KMT2C: variants seen among roughly 807,000 people sequenced by gnomAD.
KMT2C encodes the protein histone-lysine N-methyltransferase 2C.
In KMT2C, 88 loss-of-function variants were observed where a neutral mutation model predicts 507.9. That is an observed-to-expected ratio of 0.17 (90% CI 0.15 to 0.21). KMT2C has a LOEUF of 0.21. KMT2C is among the 10% of genes least tolerant of loss of function. KMT2C has a pLI of 1.00. For missense variants in KMT2C, 4,954 were observed against 5,957.8 expected (o/e 0.83, Z 5.55); for synonymous variants, 2,049 against 2,080.8 (o/e 0.98, Z 0.42).
At chr7:152,167,047 T>G in intron 42 of KMT2C, 99 bp downstream of exon 42, 1 of 939,826 alleles carries the variant, frequency 1.1e-6, no homozygotes, top group Non-Finnish European at 1.6e-6. Context: ...TTAATACTAG[T>G]CAAAAAAAAT....
At chr7:152,350,516 G>A (rs2097102147) in intron 2 of KMT2C, among the ~76,000 whole-genome samples, 1 of 152,152 alleles carries the variant, frequency 6.6e-6, no homozygotes, top group African/African-American at 2.4e-5. Flanking sequence ...GCATGTTACT[G>A]TACGCAACTA....
rs756937447 is a variant in KMT2C at position 152,180,992 on chromosome 7, C to T, written c.6868G>A (p.Val2290Ile). 1.2e-6 allele frequency: 2 copies of T among 1,613,988 alleles called. No homozygotes were observed. The highest frequency in any genetic ancestry group is 1.3e-5 in the African/African-American group (1 of 74,890). The change falls in exon 36 of 59, where the codon GTT (valine) becomes ATT (isoleucine). Residue 2290 changes from valine (V) to isoleucine (I), a missense_variant. By Grantham distance (29) the Val-to-Ile change is conservative. Around this residue, in one of 29 missense-constraint regions of KMT2C, gnomAD observed 1,689 missense variants for 1,654.3 expected, o/e 1.02. Coordinates refer to ENST00000262189, the MANE Select transcript of KMT2C (RefSeq NM_170606.3). ...GGATCACGGGCAGCAGATGGGGAAACACGGCTAAATGTGTCTGAAAGACCA... is the reference window on the plus strand; with the variant it reads ...GGATCACGGGCAGCAGATGGGGAAATACGGCTAAATGTGTCTGAAAGACCA... Reference protein sequence around the residue: ...GPGLSDTFSRVSPSAARDPYD... With the variant: ...GPGLSDTFSRISPSAARDPYD...
At chr7:152,356,194 T>C (rs1013664298) in intron 2 of KMT2C, among the ~76,000 whole-genome samples, 2 of 152,144 alleles carry the variant, frequency 1.3e-5, no homozygotes, top group African/African-American at 4.8e-5. Context: ...TTCACTGAAA[T>C]AAGCAAGATC....
intron 55 of KMT2C, among the ~76,000 whole-genome samples, chr7:152,142,634 C>T (rs945800996): frequency 6.6e-6 from 1 of 152,162 alleles, no homozygotes; most frequent in African/African-American, 2.4e-5. Flanking sequence ...GATATTTGTA[C>T]AAGATATAGC....
intron 1 of KMT2C, among the ~76,000 whole-genome samples, chr7:152,396,447 G>C (rs1049463902): frequency 5.9e-5 from 9 of 152,074 alleles, no homozygotes; most frequent in African/African-American, 2.2e-4. Flanking sequence ...GATAGTGCTT[G>C]GCATACATTA....
rs559375196 is a variant in KMT2C, at chr7:152,336,414, A to G, written c.251-5675T>C. Among the ~76,000 whole-genome samples, 228 of 152,292 alleles carry G rather than the reference A, an allele frequency of 1.5e-3. 1 individual carries two copies. Among genetic ancestry groups the G allele is most frequent in the African/African-American group, 5.1e-3 (213 of 41,550 alleles). ...AGAGTTTGGCAGCAGAATGTGAAAC[A>G]GACTGCTCTGGATAAAAATGATGTC... On this transcript the variant is annotated intron_variant, in intron 2 of 58. Transcript: ENST00000262189.
At chr7:152,272,829 T>C (rs2096002725) in intron 7 of KMT2C, among the ~76,000 whole-genome samples, 1 of 152,132 alleles carries the variant, frequency 6.6e-6, no homozygotes, top group Non-Finnish European at 1.5e-5. Context: ...AAGCCTGGGG[T>C]AGCTATACTT....
At chr7:152,375,778 T>C (rs1358174935) in intron 1 of KMT2C, among the ~76,000 whole-genome samples, 6 of 152,164 alleles carry the variant, frequency 3.9e-5, no homozygotes, top group Non-Finnish European at 7.4e-5. Flanking sequence ...TTTGAACTTT[T>C]TCATTATTAT....
Position 152,199,297 on chromosome 7 carries a change from T to C in KMT2C, c.4255A>G (p.Thr1419Ala), listed in dbSNP as rs748977268. The C allele has an allele frequency of 1.1e-5, 17 of 1,596,568 alleles. No individual in the cohort carries two copies. The highest frequency in any genetic ancestry group is 1.7e-4 in the Middle Eastern group (1 of 6,046). ...TACATACCGTGAGTTCCAGATTTTG[T>C]TGGAGCCGAGGATGAACTAAGTAGT... Reference protein sequence around the residue: ...DPLLSSSSAPTKSGTHGPADD... With the variant: ...DPLLSSSSAPAKSGTHGPADD... Residue 1419 changes from threonine (T) to alanine (A), a missense_variant, in exon 27 of 59, where the codon ACA becomes GCA. Thr to Ala is a moderately conservative substitution (Grantham distance 58, BLOSUM62 0). Coordinates refer to ENST00000262189, the MANE Select transcript of KMT2C (RefSeq NM_170606.3).
chr7:152,259,446 G>GCGCGCGCA (rs1188729137), intron 9 of KMT2C, among the ~76,000 whole-genome samples: 7 of 134,788 alleles, frequency 5.2e-5, no homozygotes, highest in African/African-American at 2.0e-4. Flanking sequence ...ACACACACGC[G>GCGCGCGCA]CACACACACA....
intron 31 of KMT2C, among the ~76,000 whole-genome samples, chr7:152,189,059 T>C (rs576105595): frequency 4.6e-5 from 7 of 152,198 alleles, no homozygotes; most frequent in African/African-American, 9.6e-5. Context: ...CCAAACACAT[T>C]TGAATTCTCA....
At chr7:152,345,190 C>A (rs910521126) in intron 2 of KMT2C, among the ~76,000 whole-genome samples, 4 of 151,998 alleles carry the variant, frequency 2.6e-5, no homozygotes, top group Admixed American at 1.3e-4. Flanking sequence ...GAGGCTGAGG[C>A]CAGCATTTCA....
intron 1 of KMT2C, among the ~76,000 whole-genome samples, chr7:152,391,925 T>C (rs1259391527): frequency 6.6e-6 from 1 of 152,156 alleles, no homozygotes; most frequent in African/African-American, 2.4e-5. Context: ...CTTTATCATA[T>C]ACATACATAA....
chr7:152,211,211 TG>T (rs1182240681), intron 23 of KMT2C, among the ~76,000 whole-genome samples: 1 of 152,144 alleles, frequency 6.6e-6, no homozygotes, highest in Non-Finnish European at 1.5e-5. Context: ...TAAAAGACAG[TG>T]GATCAATTGA....
chr7:152,152,339 A>G (rs2091697149), intron 49 of KMT2C, among the ~76,000 whole-genome samples: 2 of 152,214 alleles, frequency 1.3e-5, no homozygotes, highest in South Asian at 2.1e-4. Flanking sequence ...CAGGAAACAG[A>G]ACCCACGTCA....
Position 152,154,436 on chromosome 7 carries a change from A to G in KMT2C, c.11970T>C (p.Asp3990=). The change falls in exon 47 of 59, where the codon GAT becomes GAC. Residue 3990 remains aspartate (D), a synonymous_variant. Coordinates refer to ENST00000262189, the MANE Select transcript of KMT2C (RefSeq NM_170606.3). Reference sequence around the variant, plus strand: ...CAGGAGTATCTCGATCACCACAGTGATCCTGTATCCTGAAAAAACATAAAC... The same window carrying G: ...CAGGAGTATCTCGATCACCACAGTGGTCCTGTATCCTGAAAAAACATAAAC... ...HNNQEELRIQ[D]HCGDRDTPDS... is the part of the protein sequence containing the mutation. The G allele has an allele frequency of 6.2e-7, 1 of 1,612,756 alleles. No homozygotes were observed. The highest frequency in any genetic ancestry group is 2.2e-5 in the East Asian group (1 of 44,874).
chr7:152,302,795 C>T (rs1285392321), intron 6 of KMT2C, among the ~76,000 whole-genome samples: 1 of 152,044 alleles, frequency 6.6e-6, no homozygotes, highest in East Asian at 1.9e-4. Context: ...GCACACACCA[C>T]CACACACGGT....
intron 44 of KMT2C, chr7:152,157,812 G>A: frequency 7.5e-7 from 1 of 1,327,036 alleles, no homozygotes; most frequent in Admixed American, 2.1e-5. Context: ...GGGTAGCACT[G>A]CCAAAAGTTC....
intron 2 of KMT2C, among the ~76,000 whole-genome samples, chr7:152,332,200 T>G (rs901916575): frequency 6.6e-6 from 1 of 152,158 alleles, no homozygotes; most frequent in Non-Finnish European, 1.5e-5. Context: ...GCCTAACAGC[T>G]GAGAGGATTT....
Sources: allele counts gnomAD v4.1 joint callset (sites outside exome capture counted in the v4.1 genomes callset), GRCh38; gene constraint gnomAD v4.1.1; regional missense constraint gnomAD v4.1.1; transcripts MANE v1.5; gene names NCBI Gene and HGNC (gene_info 2026-07-23, HGNC 2026-07-21).